The following USP38 variants were observed in gnomAD, a reference collection of about 807,000 sequenced individuals.
The protein encoded by USP38 is ubiquitin carboxyl-terminal hydrolase 38.
In USP38, 49 loss-of-function variants were observed where a neutral mutation model predicts 94.3. The observed-to-expected ratio is 0.52, with a 90% CI of 0.41 to 0.66. The LOEUF (loss-of-function observed/expected upper bound fraction) is 0.66, where lower values mean the gene tolerates loss of function less well. Ranked by LOEUF, USP38 falls within the 30% of genes least tolerant of loss-of-function variation. The pLI, the probability that USP38 is intolerant of heterozygous loss-of-function variation, is 0.00. For synonymous variants in USP38, 468 were observed against 463.6 expected, an observed-to-expected ratio of 1.01 and a Z score of -0.12; for missense variants, 1,128 against 1,229.4, an observed-to-expected ratio of 0.92 and a Z score of 1.23.
intron 2 of USP38, among the ~76,000 whole-genome samples, chr4:143,193,752 T>C (rs1258014854): frequency 6.6e-6 from 1 of 152,260 alleles, no homozygotes; most frequent in Non-Finnish European, 1.5e-5. Flanking sequence ...TAGATAGTTA[T>C]ATAACACAAC....
Position 143,202,257 on chromosome 4 carries a change from A to G in USP38, c.1051-1151A>G, listed in dbSNP as rs186477963. On this transcript the variant is annotated intron_variant, in intron 4 of 9. Coordinates refer to ENST00000307017, the MANE Select transcript of USP38 (RefSeq NM_032557.6). ...TACCTGTGATGGAGGTAAGAAGGTA[A>G]TGCAAAAGCTACAGTGTGATTTAAG... 3.1e-4 allele frequency among the ~76,000 whole-genome samples: 47 copies of G among 152,282 alleles called. No homozygotes were observed. The East Asian group carries it at 5.0e-3, about 16-fold the overall frequency.
At chr4:143,186,171 C>A (rs370502033) in intron 1 of USP38, 39 bp downstream of exon 1, 41 of 1,575,824 alleles carry the variant, frequency 2.6e-5, no homozygotes, top group Non-Finnish European at 3.6e-5. Context: ...CATAAAAAAT[C>A]AGTATATGTC....
At chr4:143,208,907 G>T (rs1027540923) in intron 6 of USP38, among the ~76,000 whole-genome samples, 2 of 148,574 alleles carry the variant, frequency 1.3e-5, no homozygotes, top group Admixed American at 6.7e-5. Flanking sequence ...TAGTCCTGTG[G>T]TATCTGTATT....
chr4:143,216,477 A>T (rs552890660), intron 9 of USP38, among the ~76,000 whole-genome samples: 1 of 146,898 alleles, frequency 6.8e-6, no homozygotes, highest in African/African-American at 2.6e-5. Flanking sequence ...ATAAATATTC[A>T]ATTTTTTTTT....
intron 2 of USP38, among the ~76,000 whole-genome samples, chr4:143,191,034 C>T (rs1467891285): frequency 1.3e-5 from 2 of 151,850 alleles, no homozygotes; most frequent in Non-Finnish European, 2.9e-5. Flanking sequence ...TATTACATTT[C>T]CAGTGTAGCC....
chr4:143,216,693 C>G (rs369465227), intron 9 of USP38, among the ~76,000 whole-genome samples: 26 of 152,162 alleles, frequency 1.7e-4, no homozygotes, highest in African/African-American at 6.3e-4. Context: ...CCAGGCTAGT[C>G]TCAAACTCCT....
intron 2 of USP38, among the ~76,000 whole-genome samples, chr4:143,190,749 A>G (rs1451581544): frequency 1.3e-5 from 2 of 152,016 alleles, no homozygotes; most frequent in African/African-American, 4.8e-5. Context: ...TCCTCGTTGC[A>G]CAGTTTTTTA....
intron 5 of USP38, 29 bp downstream of exon 5, chr4:143,203,595 G>A (rs1270665982): frequency 6.3e-7 from 1 of 1,591,698 alleles, no homozygotes; most frequent in Non-Finnish European, 8.5e-7. Context: ...CAATATTTGT[G>A]GAGTTGTGTT....
At position 143,189,836 on chromosome 4, in the gene USP38, T is replaced by A. The variant is rs553652682; in HGVS notation, c.818+1875T>A. 7.9e-5 allele frequency among the ~76,000 whole-genome samples: 12 copies of A among 152,154 alleles called. No individual in the cohort carries two copies. In the South Asian group the frequency reaches 2.5e-3, roughly 31 times the overall value. Reference sequence around the variant, plus strand: ...TGTTTGATAATCTGTATTTTTATTCTCATCTCCTTGATATCTTTCTATTCA... The same window carrying A: ...TGTTTGATAATCTGTATTTTTATTCACATCTCCTTGATATCTTTCTATTCA... On this transcript the variant is annotated intron_variant, in intron 2 of 9. Transcript: ENST00000307017.
intron 6 of USP38, among the ~76,000 whole-genome samples, chr4:143,207,738 CCATCT>C (rs1731912063): frequency 6.6e-6 from 1 of 151,646 alleles, no homozygotes; most frequent in African/African-American, 2.4e-5. Context: ...GAAAGAATCC[CCATCT>C]TACCACCAGA....
chr4:143,220,248 C>T (rs1220518929), intron 9 of USP38, 47 bp from the exon 10 acceptor site: 2 of 1,533,850 alleles, frequency 1.3e-6, no homozygotes, highest in Middle Eastern at 2.1e-4. Context: ...TATAACGATC[C>T]ATTGTATTTA....
chr4:143,211,536 T>C (rs538285564), intron 7 of USP38, among the ~76,000 whole-genome samples: 176 of 152,276 alleles, frequency 1.2e-3, no homozygotes, highest in Middle Eastern at 0.01. Context: ...TAAACTTCCT[T>C]CCTTCAGAAT....
intron 4 of USP38, among the ~76,000 whole-genome samples, chr4:143,200,444 C>CT (rs1415764613): frequency 2.7e-4 from 41 of 152,100 alleles, no homozygotes; most frequent in Admixed American, 9.8e-4. Context: ...TGGGCAAAAG[C>CT]TAGAAGCATT....
Position 143,220,411 on chromosome 4 carries a change from AG to A in USP38, c.3089del (p.Gly1030ValfsTer30). On this transcript the variant is annotated frameshift_variant, in exon 10 of 10. Coordinates refer to ENST00000307017, the MANE Select transcript of USP38 (RefSeq NM_032557.6). LOFTEE classifies it high-confidence loss of function. Reference sequence around the variant, plus strand: ...CAGGAAGCTGTGGACCAACTGGTGGAGGGGGTGGAGGAGGATTTAATACAGT... The same window carrying A: ...CAGGAAGCTGTGGACCAACTGGTGGAGGGGTGGAGGAGGATTTAATACAGT... ...PPGSCGPTGG[G>X]GGGGFNTVGR... The A allele has an allele frequency of 1.9e-6, 3 of 1,613,150 alleles. No individual in the cohort carries two copies. The highest frequency in any genetic ancestry group is 2.5e-6 in the Non-Finnish European group (3 of 1,179,458).
intron 7 of USP38, among the ~76,000 whole-genome samples, chr4:143,210,334 A>G (rs1731988750): frequency 6.6e-6 from 1 of 152,174 alleles, no homozygotes; most frequent in South Asian, 2.1e-4. Context: ...CACGCCTGTA[A>G]TCCTAACACT....
chr4:143,201,684 C>G (rs1036581109), intron 4 of USP38, among the ~76,000 whole-genome samples: 16 of 151,958 alleles, frequency 1.1e-4, no homozygotes, highest in Admixed American at 9.8e-4. Context: ...GCATTTTACC[C>G]AGTGGAATAA....
intron 4 of USP38, 33 bp from the exon 5 acceptor site, chr4:143,203,375 A>G: frequency 6.3e-7 from 1 of 1,589,166 alleles, no homozygotes. Context: ...AATTTGTATA[A>G]ATTCAGCATT....
intron 8 of USP38, 90 bp downstream of exon 8, chr4:143,212,514 T>G: frequency 1.5e-6 from 1 of 672,264 alleles, no homozygotes; most frequent in Non-Finnish European, 2.3e-6. Context: ...TAAAAACATA[T>G]TTCAAATATT....
At chr4:143,215,180 G>A (rs1732151616) in intron 9 of USP38, 2 of 485,104 alleles carry the variant, frequency 4.1e-6, no homozygotes, top group Admixed American at 3.9e-5. Context: ...CCTTACAAAA[G>A]ATGGCTCATT....
Sources: gnomAD v4.1 joint callset for allele counts (sites outside exome capture counted in the v4.1 genomes callset) on GRCh38, gnomAD v4.1.1 for gene constraint, MANE v1.5 for transcripts, NCBI Gene and HGNC (gene_info 2026-07-23, HGNC 2026-07-21) for gene names.